Variants in PGAP3 observed in about 807,000 individuals in gnomAD.
The protein encoded by PGAP3 is post-GPI attachment to proteins phospholipase 3, also known as GPI-specific phospholipase A2-like PGAP3.
Under a neutral mutation model 40.3 loss-of-function variants are expected in PGAP3, and 31 were observed. That is an observed-to-expected ratio of 0.77 (90% confidence interval 0.58 to 1.04). The LOEUF (loss-of-function observed/expected upper bound fraction) is 1.04. PGAP3 is among the 50% of genes least tolerant of loss of function. The pLI is 0.00. For synonymous variants in PGAP3, 191 were observed against 184.5 expected (o/e 1.04, Z -0.29); for missense variants, 413 against 423.0 (o/e 0.98, Z 0.21).
intron 3 of PGAP3, among the ~76,000 whole-genome samples, chr17:39,677,853 C>T (rs948990733): frequency 2.0e-5 from 3 of 152,214 alleles, no homozygotes; most frequent in South Asian, 2.1e-4. Flanking sequence ...GAATTCGACC[C>T]GGCGCTAAGC....
At position 39,684,675 on chromosome 17, in the gene PGAP3, G is replaced by C; in HGVS notation, c.354C>G (p.Ser118Arg). 1 of 1,614,070 alleles carries C rather than the reference G, an allele frequency of 6.2e-7. No homozygotes were observed. Among genetic ancestry groups the C allele is most frequent in the South Asian group, 1.1e-5 (1 of 91,064 alleles). The change falls in exon 3 of 8, where the codon AGC becomes AGG. Residue 118 changes from serine to arginine, a missense_variant. By Grantham distance (110) the Ser-to-Arg change is moderately radical (BLOSUM62 -1). Transcript: ENST00000300658. ...AVASFLNGLA[S>R]LVMLCRYRTF... ...TGCGGTAGCGGCAGAGCATCACCAG[G>C]CTGGCCAGGCCATTGAGAAACGAGG...
At chr17:39,683,996 C>T (rs548689585) in intron 3 of PGAP3, among the ~76,000 whole-genome samples, 18 of 151,974 alleles carry the variant, frequency 1.2e-4, no homozygotes, top group African/African-American at 1.5e-4. Context: ...TGGTGGCACG[C>T]GCCTATCATC....
chr17:39,674,895 A>C (rs1222189275), intron 3 of PGAP3, among the ~76,000 whole-genome samples: 2 of 152,054 alleles, frequency 1.3e-5, no homozygotes, highest in Non-Finnish European at 2.9e-5. Context: ...CAAACCCCCA[A>C]GGCCACGGGG....
intron 3 of PGAP3, among the ~76,000 whole-genome samples, chr17:39,684,139 A>G (rs958203811): frequency 2.6e-4 from 37 of 140,266 alleles, no homozygotes; most frequent in Middle Eastern, 3.6e-3. Context: ...AAAAAAAAAA[A>G]AAAAAAAAAA....
chr17:39,677,788 C>CA (rs2057392828), intron 3 of PGAP3, among the ~76,000 whole-genome samples: 2 of 152,168 alleles, frequency 1.3e-5, no homozygotes, highest in Admixed American at 6.5e-5. Flanking sequence ...AAAATCGAGA[C>CA]AAAAATATCA....
rs200486300 is a variant in PGAP3 at position 39,685,973 on chromosome 17, G to A, written c.228C>T (p.Thr76=). Residue 76 remains threonine (T), a synonymous_variant, in exon 2 of 8, where the codon ACC becomes ACT. Transcript: ENST00000300658. ...GACCTTCCTGGAGGTAGAGCCCAAC[G>A]GTGACCCACATACACTCATACTTAC... ...DDCKYECMWV[T]VGLYLQEGHK... The A allele has an allele frequency of 1.7e-4, 281 of 1,613,400 alleles. No homozygotes were observed. Among genetic ancestry groups the A allele is most frequent in the Non-Finnish European group, 2.2e-4 (254 of 1,179,548 alleles).
chr17:39,672,724 A>G lies in PGAP3; in HGVS notation c.*79T>C. The G allele has an allele frequency of 7.2e-7, 1 of 1,382,484 alleles. No homozygotes were observed. The highest frequency in any genetic ancestry group is 2.3e-5 in the East Asian group (1 of 43,798). 85.6% of individuals were successfully genotyped at this position (1,382,484 alleles called of 1,614,324 possible). A position where few individuals can be genotyped will look rare whatever the true frequency, so the allele number is the denominator to read the frequency against. ...TTCAAGAAGTTGAAAAGAGAAAATCATCTCAAGGGTTGAGGGGAGAAGGGA... is the reference window on the plus strand; with the variant it reads ...TTCAAGAAGTTGAAAAGAGAAAATCGTCTCAAGGGTTGAGGGGAGAAGGGA... On this transcript the variant is annotated 3_prime_UTR_variant, in exon 8 of 8. Transcript: ENST00000300658.
At chr17:39,685,629 G>A (rs955133971) in intron 2 of PGAP3, among the ~76,000 whole-genome samples, 9 of 152,160 alleles carry the variant, frequency 5.9e-5, no homozygotes, top group African/African-American at 1.9e-4. Context: ...CAGTAGGTAA[G>A]GGAATTTGTC....
In PGAP3 at chr17:39,687,912, G is replaced by A; in HGVS notation, c.103C>T (p.Gln35Ter). Residue 35 changes from glutamine (Q) to a stop codon, truncating the protein, a stop_gained, in exon 1 of 8, where the codon CAG becomes TAG. Coordinates refer to ENST00000300658, the MANE Select transcript of PGAP3 (RefSeq NM_033419.5). LOFTEE classifies it high-confidence loss of function. ...CCAGAGCAGTTCTGCTCTTCGCACT[G>A]CAGTACGCAGTCGCGGTACACCGGC... ...REPVYRDCVL[Q>*]CEEQNCSGGA... 2.0e-6 allele frequency: 3 copies of A among 1,514,758 alleles called. No individual in the cohort carries two copies. Among genetic ancestry groups the A allele is most frequent in the Non-Finnish European group, 2.7e-6 (3 of 1,121,754 alleles). 93.8% of individuals were successfully genotyped at this position (1,514,758 alleles called of 1,614,324 possible).
Position 39,685,966 on chromosome 17 carries a change from G to C in PGAP3, c.235C>G (p.Leu79Val), listed in dbSNP as rs549243686. 6.2e-7 allele frequency: 1 copy of C among 1,613,536 alleles called. No homozygotes were observed. The highest frequency in any genetic ancestry group is 1.1e-5 in the South Asian group (1 of 91,072). The stretch of plus-strand genomic sequence containing the variant: ...ACTTTGTGACCTTCCTGGAGGTAGA[G>C]CCCAACGGTGACCCACATACACTCA... ...KYECMWVTVG[L>V]YLQEGHKVPQ... Residue 79 changes from leucine to valine, a missense_variant, in exon 2 of 8, where the codon CTC becomes GTC. Leu to Val is a conservative substitution (Grantham distance 32). Coordinates refer to ENST00000300658, the MANE Select transcript of PGAP3 (RefSeq NM_033419.5).
At position 39,672,873 on chromosome 17, in the gene PGAP3, G is replaced by A; in HGVS notation, c.900-7C>T. 1 of 1,613,980 alleles carries A rather than the reference G, an allele frequency of 6.2e-7. No homozygotes were observed. The highest frequency in any genetic ancestry group is 8.5e-7 in the Non-Finnish European group (1 of 1,179,908). On this transcript the variant is annotated splice_region_variant and splice_polypyrimidine_tract_variant and intron_variant, in intron 7 of 7. Coordinates refer to ENST00000300658, the MANE Select transcript of PGAP3 (RefSeq NM_033419.5). ...GCTGTCATCTTCCAGAAAGCTGTGG[G>A]CCAAAGGAGTAGCCCATTGAGGCAC...
chr17:39,682,826 C>T (rs2057459706), intron 3 of PGAP3, among the ~76,000 whole-genome samples: 1 of 152,138 alleles, frequency 6.6e-6, no homozygotes. Context: ...TGCCTGTAAT[C>T]CCAGCACTTT....
chr17:39,685,734 CAG>C (rs2057502648), intron 2 of PGAP3, among the ~76,000 whole-genome samples, 186 bp downstream of exon 2: 1 of 152,148 alleles, frequency 6.6e-6, no homozygotes, highest in African/African-American at 2.4e-5. Flanking sequence ...ACTCCAAATC[CAG>C]AGGCAGGACA....
chr17:39,685,969 C>T lies in PGAP3; in HGVS notation c.232G>A (p.Gly78Arg). The T allele has an allele frequency of 6.2e-7, 1 of 1,613,450 alleles. No homozygotes were observed. The highest frequency in any genetic ancestry group is 8.5e-7 in the Non-Finnish European group (1 of 1,179,568). ...TTGTGACCTTCCTGGAGGTAGAGCC[C>T]AACGGTGACCCACATACACTCATAC... ...CKYECMWVTV[G>R]LYLQEGHKVP... is the part of the protein sequence containing the mutation. Residue 78 changes from glycine to arginine, a missense_variant, in exon 2 of 8, where the codon GGG becomes AGG. Gly to Arg is a moderately radical substitution (Grantham distance 125, BLOSUM62 -2). Coordinates refer to ENST00000300658, the MANE Select transcript of PGAP3 (RefSeq NM_033419.5).
At chr17:39,676,429 G>C (rs775053793) in intron 3 of PGAP3, among the ~76,000 whole-genome samples, 4 of 152,168 alleles carry the variant, frequency 2.6e-5, no homozygotes, top group Non-Finnish European at 5.9e-5. Context: ...CGAAAGCAGG[G>C]GGTGTGTGTG....
In PGAP3 at chr17:39,673,728, C is replaced by G. The variant is rs79757706; in HGVS notation, c.558-78G>C. The G allele has an allele frequency of 5.9e-3, 9,324 of 1,575,478 alleles. 39 individuals carry two copies. The highest frequency in any genetic ancestry group is 6.6e-3 in the Non-Finnish European group (7,702 of 1,158,918). ...GCATTCCCTGAAGCATCTCCTCCCC[C>G]CAACATTGGTGCATGGCCCCTGAAG... On this transcript the variant is annotated intron_variant, in intron 5 of 7. Coordinates refer to ENST00000300658, the MANE Select transcript of PGAP3 (RefSeq NM_033419.5).
chr17:39,685,894 A>T, intron 2 of PGAP3, 28 bp downstream of exon 2: 1 of 1,593,798 alleles, frequency 6.3e-7, no homozygotes, highest in Non-Finnish European at 8.6e-7. Flanking sequence ...CGCTACTACC[A>T]TATGCCTACC....
chr17:39,673,131 G>T lies in PGAP3; in HGVS notation c.819C>A (p.Asp273Glu), dbSNP rs1235742703. Residue 273 changes from aspartate (D) to glutamate (E), a missense_variant, in exon 7 of 8, where the codon GAC becomes GAA. Coordinates refer to ENST00000300658, the MANE Select transcript of PGAP3 (RefSeq NM_033419.5). ...CCAGGACCCAGAAGAGCGGTGGGAA[G>T]TCAAGCAGCTCGAGCAGGGACAGCC... ...LQGLSLLELLDFPPLFWVLDA... is the reference protein window; with the variant it reads ...LQGLSLLELLEFPPLFWVLDA... The T allele has an allele frequency of 1.2e-6, 2 of 1,606,618 alleles. No individual in the cohort carries two copies. The highest frequency in any genetic ancestry group is 1.7e-6 in the Non-Finnish European group (2 of 1,177,038).
At chr17:39,677,458 A>T (rs550374265) in intron 3 of PGAP3, among the ~76,000 whole-genome samples, 1 of 152,280 alleles carries the variant, frequency 6.6e-6, no homozygotes, top group Non-Finnish European at 1.5e-5. Flanking sequence ...CCATGTTCCC[A>T]TCAATGTGAA....
Sources: gnomAD v4.1 joint callset for allele counts (sites outside exome capture counted in the v4.1 genomes callset) on GRCh38, gnomAD v4.1.1 for gene constraint, MANE v1.5 for transcripts, NCBI Gene and HGNC (gene_info 2026-07-23, HGNC 2026-07-21) for gene names.